The following GIPC2 variants were observed in gnomAD, a reference collection of about 807,000 sequenced individuals.
The protein encoded by GIPC2 is PDZ domain-containing protein GIPC2.
In GIPC2, 30 loss-of-function variants were observed where a neutral mutation model predicts 30.6. The ratio of observed to expected loss-of-function variants is 0.98; its 90% CI spans 0.73 to 1.33. The LOEUF (loss-of-function observed/expected upper bound fraction) is 1.33, where lower values mean the gene tolerates loss of function less well. Among genes scored for constraint, GIPC2 ranks in the 40% most tolerant of loss-of-function variants. The pLI is 0.00. For synonymous variants in GIPC2, 167 were observed against 150.0 expected, an observed-to-expected ratio of 1.11 and a Z score of -0.83; for missense variants, 414 against 390.3, an observed-to-expected ratio of 1.06 and a Z score of -0.51.
chr1:78,119,571 C>T, intron 4 of GIPC2, 72 bp downstream of exon 4: 2 of 903,864 alleles, frequency 2.2e-6, no homozygotes, highest in Non-Finnish European at 3.6e-6. Context: ...TCATTCTAAC[C>T]AAAACTTGGA....
At chr1:78,061,091 G>A (rs1030858959) in intron 1 of GIPC2, among the ~76,000 whole-genome samples, 3 of 152,222 alleles carry the variant, frequency 2.0e-5, no homozygotes, top group Non-Finnish European at 2.9e-5. Flanking sequence ...GTCTTTAATG[G>A]TGATTAGACA....
chr1:78,091,953 GCTT>G lies in GIPC2; in HGVS notation c.427-2991_427-2989del, dbSNP rs879227689. 4.1e-5 allele frequency: 43 copies of G among 1,054,214 alleles called. 1 individual carries two copies. In the South Asian group the frequency reaches 5.2e-4, roughly 13 times the overall value. The allele number at this position is 1,054,214 out of a possible 1,614,324, so 65.3% of individuals were successfully genotyped here. A position where few individuals can be genotyped will look rare whatever the true frequency, so the allele number is the denominator to read the frequency against. ...TCTGTTCCTGTTCTTGGTCATTTTT[GCTT>G]CTTCTTCGTTTTGAAGAACTTCAAC... On this transcript the variant is annotated intron_variant, in intron 2 of 5. Transcript: ENST00000370759.
intron 1 of GIPC2, among the ~76,000 whole-genome samples, chr1:78,075,676 G>T (rs990359027): frequency 6.6e-6 from 1 of 152,140 alleles, no homozygotes; most frequent in Admixed American, 6.5e-5. Flanking sequence ...TTCTTTATTA[G>T]GCGTGAAAAA....
At chr1:78,048,083 A>AT (rs1225692662) in intron 1 of GIPC2, among the ~76,000 whole-genome samples, 2 of 152,064 alleles carry the variant, frequency 1.3e-5, no homozygotes, top group African/African-American at 4.8e-5. Flanking sequence ...TGGACTTAAG[A>AT]TTTTTCCACT....
intron 3 of GIPC2, among the ~76,000 whole-genome samples, chr1:78,107,824 C>CAAAAAA (rs35134592): frequency 1.1e-3 from 32 of 28,778 alleles, no homozygotes; most frequent in Non-Finnish European, 1.4e-3. Context: ...AACTCTGTCT[C>CAAAAAA]AAAAAAAAAA....
rs139485777 is a variant in GIPC2 at position 78,108,679 on chromosome 1, G to A, written c.608-10714G>A. 3.0e-3 allele frequency among the ~76,000 whole-genome samples: 460 copies of A among 152,232 alleles called. 1 individual carries two copies. Among genetic ancestry groups the A allele is most frequent in the African/African-American group, 0.011 (443 of 41,520 alleles). On this transcript the variant is annotated intron_variant, in intron 3 of 5. Coordinates refer to ENST00000370759, the MANE Select transcript of GIPC2 (RefSeq NM_017655.6). Reference sequence around the variant, plus strand: ...AGGATGCAGGGAGAAAGGGAGTGTCGTTAAAATCTTAAATTCTGAGACACA... The same window carrying A: ...AGGATGCAGGGAGAAAGGGAGTGTCATTAAAATCTTAAATTCTGAGACACA...
Position 78,125,976 on chromosome 1 carries a change from AT to A in GIPC2, c.796+17del, listed in dbSNP as rs766715175. ...ATATTGATTTAGGTAAGATTATACT[AT>A]TTAAAAAAGTCTTATATCTCTTAAT... On this transcript the variant is annotated intron_variant, in intron 5 of 5. Coordinates refer to ENST00000370759, the MANE Select transcript of GIPC2 (RefSeq NM_017655.6). The A allele has an allele frequency of 2.4e-6, 3 of 1,271,550 alleles. No homozygotes were observed. Among genetic ancestry groups the A allele is most frequent in the Non-Finnish European group, 3.4e-6 (3 of 870,594 alleles). 78.8% of individuals were successfully genotyped at this position (1,271,550 alleles called of 1,614,324 possible).
chr1:78,125,725 TA>T (rs1662769218), intron 4 of GIPC2, among the ~76,000 whole-genome samples, 155 bp from the exon 5 acceptor site: 1 of 152,232 alleles, frequency 6.6e-6, no homozygotes. Flanking sequence ...TATTGATTTG[TA>T]TTTAGTTACA....
intron 1 of GIPC2, among the ~76,000 whole-genome samples, chr1:78,078,200 A>AAC (rs1661754167): frequency 6.6e-6 from 1 of 151,360 alleles, no homozygotes; most frequent in African/African-American, 2.4e-5. Flanking sequence ...AAAAAAAAAA[A>AAC]AAAAAAAAAA....
chr1:78,093,694 G>C (rs1381513423), intron 2 of GIPC2, among the ~76,000 whole-genome samples: 1 of 152,102 alleles, frequency 6.6e-6, no homozygotes, highest in African/African-American at 2.4e-5. Context: ...TTCAGAAGAT[G>C]TTATACTTCC....
intron 4 of GIPC2, among the ~76,000 whole-genome samples, chr1:78,121,445 G>A (rs1662681771): frequency 1.3e-5 from 2 of 152,160 alleles, no homozygotes; most frequent in African/African-American, 4.8e-5. Flanking sequence ...CACAGAGTGG[G>A]ATCTCAGAAC....
chr1:78,107,160 C>T (rs1310765661), intron 3 of GIPC2, among the ~76,000 whole-genome samples: 1 of 150,854 alleles, frequency 6.6e-6, no homozygotes, highest in Non-Finnish European at 1.5e-5. Flanking sequence ...CTTGCTCTCC[C>T]CCTTGCTCCC....
At chr1:78,075,433 A>C (rs1661700597) in intron 1 of GIPC2, among the ~76,000 whole-genome samples, 1 of 152,202 alleles carries the variant, frequency 6.6e-6, no homozygotes, top group South Asian at 2.1e-4. Context: ...TCCAACCTTG[A>C]TGACAGAGTG....
At chr1:78,113,066 G>T (rs1662501456) in intron 3 of GIPC2, among the ~76,000 whole-genome samples, 1 of 152,054 alleles carries the variant, frequency 6.6e-6, no homozygotes. Flanking sequence ...AGTACAGAAA[G>T]TTCCCATTTC....
rs773307477 is a variant in GIPC2 at position 78,095,097 on chromosome 1, T to G, written c.572T>G (p.Phe191Cys). ...KLKELKKEEL[F>C]TMKLIEPKKA... The stretch of plus-strand genomic sequence containing the variant: ...AAGGAATTAAAAAAGGAGGAACTCT[T>G]TACTATGAAGTTAATAGAACCTAAG... Residue 191 changes from phenylalanine (F) to cysteine (C), a missense_variant, in exon 3 of 6, where the codon TTT becomes TGT. Coordinates refer to ENST00000370759, the MANE Select transcript of GIPC2 (RefSeq NM_017655.6). 1.2e-6 allele frequency: 2 copies of G among 1,613,026 alleles called. No individual in the cohort carries two copies. Among genetic ancestry groups the G allele is most frequent in the Non-Finnish European group, 1.7e-6 (2 of 1,179,186 alleles).
chr1:78,075,556 C>T (rs1661703652), intron 1 of GIPC2, among the ~76,000 whole-genome samples: 1 of 152,200 alleles, frequency 6.6e-6, no homozygotes, highest in South Asian at 2.1e-4. Flanking sequence ...CTTTGCCATT[C>T]TTGGCATTGG....
At chr1:78,089,523 G>T (rs943845620) in intron 2 of GIPC2, among the ~76,000 whole-genome samples, 1 of 151,914 alleles carries the variant, frequency 6.6e-6, no homozygotes. Flanking sequence ...TGGTTTTTTT[G>T]TTTGTTTGTT....
intron 3 of GIPC2, among the ~76,000 whole-genome samples, 181 bp from the exon 4 acceptor site, chr1:78,119,212 A>G (rs1662631891): frequency 6.6e-6 from 1 of 152,224 alleles, no homozygotes; most frequent in Non-Finnish European, 1.5e-5. Context: ...CTCTCTTATA[A>G]GAATAATGGA....
intron 1 of GIPC2, among the ~76,000 whole-genome samples, chr1:78,060,928 A>G (rs1388047759): frequency 6.6e-6 from 1 of 151,090 alleles, no homozygotes; most frequent in African/African-American, 2.4e-5. Context: ...AATTAAGAGC[A>G]TATTGTATTC....
Sources: allele counts gnomAD v4.1 joint callset (sites outside exome capture counted in the v4.1 genomes callset), GRCh38; gene constraint gnomAD v4.1.1; transcripts MANE v1.5; gene names NCBI Gene and HGNC (gene_info 2026-07-23, HGNC 2026-07-21).